PARP8: variants seen among roughly 807,000 people sequenced by gnomAD.
PARP8 encodes poly(ADP-ribose) polymerase family member 8.
A neutral mutation model predicts 124.1 loss-of-function variants in PARP8; 51 were observed. That is an observed-to-expected ratio of 0.41 (90% confidence interval 0.33 to 0.52). The LOEUF is 0.52. PARP8 is among the 20% of genes least tolerant of loss of function. The pLI is 0.21. For synonymous variants in PARP8, 391 were observed against 361.5 expected, an observed-to-expected ratio of 1.08 and a Z score of -0.93; for missense variants, 860 against 1,018.9, an observed-to-expected ratio of 0.84 and a Z score of 2.12.
At chr5:50,682,885 T>C (rs569347487) in intron 2 of PARP8, among the ~76,000 whole-genome samples, 2 of 152,176 alleles carry the variant, frequency 1.3e-5, no homozygotes, top group African/African-American at 4.8e-5. Flanking sequence ...TAACGTTTTT[T>C]CCCCCCTTCC....
chr5:50,793,830 C>T (rs1207932265), intron 10 of PARP8, among the ~76,000 whole-genome samples: 7 of 151,870 alleles, frequency 4.6e-5, no homozygotes, highest in Non-Finnish European at 8.8e-5. Flanking sequence ...GATTTTCTAG[C>T]ACCAAAAAAA....
intron 9 of PARP8, 55 bp from the exon 10 acceptor site, chr5:50,788,468 T>C: frequency 1.3e-6 from 2 of 1,503,338 alleles, no homozygotes; most frequent in Non-Finnish European, 1.8e-6. Context: ...TTCTGGCTGA[T>C]GGTTGAGTTT....
At chr5:50,678,739 A>G (rs1341743996) in intron 2 of PARP8, among the ~76,000 whole-genome samples, 36 of 152,180 alleles carry the variant, frequency 2.4e-4, no homozygotes, top group Non-Finnish European at 1.5e-5. Context: ...CTGGCCAAGG[A>G]CCAGTCCTAA....
chr5:50,702,747 G>A (rs1182932003), intron 2 of PARP8, among the ~76,000 whole-genome samples: 1 of 152,180 alleles, frequency 6.6e-6, no homozygotes, highest in South Asian at 2.1e-4. Context: ...TAATTCTCCT[G>A]TAGAGCTAAT....
chr5:50,703,770 G>A (rs1382370994), intron 2 of PARP8, among the ~76,000 whole-genome samples: 2 of 152,094 alleles, frequency 1.3e-5, no homozygotes, highest in African/African-American at 4.8e-5. Flanking sequence ...AGTTAGCCAG[G>A]TGTGGTGTTG....
chr5:50,757,249 C>A (rs1250614579), intron 3 of PARP8: 1 of 440,726 alleles, frequency 2.3e-6, no homozygotes, highest in Admixed American at 2.5e-5. Context: ...TTCCTAGAGA[C>A]CTATCAAGAC....
rs1760982491 is a variant in PARP8 at position 50,765,601 on chromosome 5, T to C, written c.518+2359T>C. On this transcript the variant is annotated intron_variant, in intron 7 of 25. Coordinates refer to ENST00000281631, the MANE Select transcript of PARP8 (RefSeq NM_024615.4). ...CCTTAACCCTTTTCACTTGTAATAG[T>C]TTTGATCCAGTTTAAATCTTAATGA... Among the ~76,000 whole-genome samples the C allele has an allele frequency of 2.6e-5, 4 of 152,240 alleles. No homozygotes were observed. The South Asian group carries it at 8.3e-4, about 31-fold the overall frequency.
chr5:50,831,652 CATAAAGAAAA>C (rs1449075269), intron 22 of PARP8, among the ~76,000 whole-genome samples: 1 of 152,022 alleles, frequency 6.6e-6, no homozygotes, highest in African/African-American at 2.4e-5. Context: ...ACATTCTCAG[CATAAAGAAAA>C]AACACAGCAA....
rs760100547 is a variant in PARP8 at position 50,749,244 on chromosome 5, G to GT, written c.147-899dup. ...CTATATGTTCCTTTAAAGAGAATTA[G>GT]TTTTTTTTGTCTTAACAGGCAGATA... On this transcript the variant is annotated intron_variant, in intron 2 of 25. Transcript: ENST00000281631. 6.0e-4 allele frequency among the ~76,000 whole-genome samples: 91 copies of GT among 151,972 alleles called. 2 individuals carry two copies. Among genetic ancestry groups the GT allele is most frequent in the Admixed American group, 3.3e-3 (51 of 15,246 alleles).
intron 2 of PARP8, among the ~76,000 whole-genome samples, chr5:50,727,528 A>G (rs1374766921): frequency 2.6e-5 from 4 of 152,176 alleles, no homozygotes; most frequent in Non-Finnish European, 4.4e-5. Context: ...GTTAATGTAC[A>G]TGGCTTGTAG....
intron 2 of PARP8, among the ~76,000 whole-genome samples, chr5:50,720,994 A>T (rs1239910110): frequency 6.6e-6 from 1 of 151,504 alleles, no homozygotes; most frequent in African/African-American, 2.4e-5. Flanking sequence ...GCCATACATG[A>T]CAGGCCTGTT....
rs1040897864 is a variant in PARP8 at position 50,845,957 on chromosome 5, A to G, written c.*3889A>G. ...TCTTCTTGGGAATTTTGTATACATTATGGAATATTAGGATAAGTTTTTGTA... is the reference window on the plus strand; with the variant it reads ...TCTTCTTGGGAATTTTGTATACATTGTGGAATATTAGGATAAGTTTTTGTA... On this transcript the variant is annotated 3_prime_UTR_variant, in exon 26 of 26. Transcript: ENST00000281631. The G allele has an allele frequency of 1.3e-5, 2 of 151,790 alleles. No individual in the cohort carries two copies. The highest frequency in any genetic ancestry group is 2.9e-5 in the Non-Finnish European group (2 of 67,800). The allele number at this position is 151,790 out of a possible 1,614,324, so 9.4% of individuals were successfully genotyped here. A position where few individuals can be genotyped will look rare whatever the true frequency, so the allele number is the denominator to read the frequency against.
At chr5:50,794,381 G>T in intron 11 of PARP8, 49 bp downstream of exon 11, 4 of 1,592,858 alleles carry the variant, frequency 2.5e-6, no homozygotes, top group Non-Finnish European at 3.4e-6. Flanking sequence ...CTGAGTGTGT[G>T]ATGTAGTTCA....
intron 2 of PARP8, among the ~76,000 whole-genome samples, chr5:50,721,658 T>C (rs1423190612): frequency 6.6e-6 from 1 of 152,104 alleles, no homozygotes; most frequent in Non-Finnish European, 1.5e-5. Context: ...CAGAATGAGA[T>C]TGATGATGTT....
chr5:50,737,727 A>T (rs571637243), intron 2 of PARP8, among the ~76,000 whole-genome samples: 1 of 152,324 alleles, frequency 6.6e-6, no homozygotes, highest in East Asian at 1.9e-4. Flanking sequence ...TAGTTTGGAC[A>T]TACATTCAAA....
intron 8 of PARP8, 96 bp from the exon 9 acceptor site, chr5:50,778,464 C>A: frequency 1.0e-6 from 1 of 973,734 alleles, no homozygotes; most frequent in Non-Finnish European, 1.6e-6. Context: ...ATGTTATATG[C>A]ATTTTGCGAA....
chr5:50,810,780 A>T (rs1329109644), intron 14 of PARP8, among the ~76,000 whole-genome samples: 1 of 152,118 alleles, frequency 6.6e-6, no homozygotes, highest in Non-Finnish European at 1.5e-5. Context: ...TACGTCTTAC[A>T]TCTTAAATAC....
rs764522092 is a variant in PARP8 at position 50,778,103 on chromosome 5, C to T, written c.553C>T (p.Leu185=). ...AGCCATTGATGATGTAGATATTGAT[C>T]TGCATATCGATGTTAGCTTTCTTGA... ...YGAIDDVDID[L]HIDVSFLDEE... is the part of the protein sequence containing the mutation. The change falls in exon 8 of 26, where the codon CTG becomes TTG. Residue 185 remains leucine (L), a synonymous_variant. Coordinates refer to ENST00000281631, the MANE Select transcript of PARP8 (RefSeq NM_024615.4). The T allele has an allele frequency of 1.2e-6, 2 of 1,608,526 alleles. No individual in the cohort carries two copies. The highest frequency in any genetic ancestry group is 1.7e-5 in the Admixed American group (1 of 58,988).
chr5:50,764,071 A>G (rs781112942), intron 7 of PARP8, among the ~76,000 whole-genome samples: 7 of 152,194 alleles, frequency 4.6e-5, no homozygotes, highest in Non-Finnish European at 8.8e-5. Flanking sequence ...GCCCCAGTCC[A>G]TGGGTCAGCT....
Sources: allele counts gnomAD v4.1 joint callset (sites outside exome capture counted in the v4.1 genomes callset), GRCh38; gene constraint gnomAD v4.1.1; transcripts MANE v1.5; gene names NCBI Gene and HGNC (gene_info 2026-07-23, HGNC 2026-07-21).